COPB1: variants seen among roughly 807,000 people sequenced by gnomAD.
COPB1 encodes the protein coat protein complex I subunit beta 1.
In COPB1, 21 loss-of-function variants were observed where a neutral mutation model predicts 108.7. The observed-to-expected ratio is 0.19, with a 90% CI of 0.14 to 0.28. COPB1 has a LOEUF of 0.28. Ranked by LOEUF, COPB1 falls within the 10% of genes least tolerant of loss-of-function variation. COPB1 has a pLI of 1.00. For missense variants in COPB1, 919 were observed against 1,141.3 expected (o/e 0.81, Z 2.81); for synonymous variants, 378 against 386.8 (o/e 0.98, Z 0.27).
At chr11:14,494,618 C>A (rs1417608676) in intron 2 of COPB1, 179 bp from the exon 3 acceptor site, 1 of 535,206 alleles carries the variant, frequency 1.9e-6, no homozygotes, top group Admixed American at 3.4e-5. Flanking sequence ...AATAATCTGT[C>A]TTTGCTCAAG....
intron 4 of COPB1, among the ~76,000 whole-genome samples, chr11:14,492,327 A>G (rs1280125146): frequency 2.0e-5 from 3 of 151,340 alleles, no homozygotes; most frequent in Non-Finnish European, 2.9e-5. Flanking sequence ...ACCCTACATT[A>G]TTATTATTAT....
rs1850282876 is a variant in COPB1 at position 14,466,429 on chromosome 11, G to T, written c.2146-3C>A. 6.2e-7 allele frequency: 1 copy of T among 1,608,128 alleles called. No individual in the cohort carries two copies. The highest frequency in any genetic ancestry group is 1.3e-5 in the African/African-American group (1 of 74,786). On this transcript the variant is annotated splice_region_variant and splice_polypyrimidine_tract_variant and intron_variant, in intron 16 of 21. Transcript: ENST00000439561. ...GAGAAACCTGTCAATTGGGTGACCT[G>T]TCAAAACAAAAACAAAGACATAATC...
intron 11 of COPB1, 119 bp from the exon 12 acceptor site, chr11:14,477,134 A>G: frequency 7.1e-6 from 5 of 709,050 alleles, no homozygotes; most frequent in Non-Finnish European, 1.2e-5. Context: ...CTGTAATCCC[A>G]GCACTTTGGG....
At position 14,460,276 on chromosome 11, in the gene COPB1, C is replaced by A; in HGVS notation, c.2578G>T (p.Val860Phe). ...TGCTGTAAGTAGTCATTTAAATCAA[C>A]CATGTTGGTGTTAACTGTCACCTGT... ...ENKVTVNTNM[V>F]DLNDYLQHIL... Residue 860 changes from valine (V) to phenylalanine (F), a missense_variant, in exon 20 of 22, where the codon GTT becomes TTT. Physicochemically the swap from Val to Phe is conservative, Grantham distance 50. Coordinates refer to ENST00000439561, the MANE Select transcript of COPB1 (RefSeq NM_001144061.2). The A allele has an allele frequency of 6.2e-7, 1 of 1,609,426 alleles. No individual in the cohort carries two copies. Among genetic ancestry groups the A allele is most frequent in the Non-Finnish European group, 8.5e-7 (1 of 1,177,292 alleles).
chr11:14,487,717 A>G (rs1850807472), intron 6 of COPB1, among the ~76,000 whole-genome samples: 1 of 151,992 alleles, frequency 6.6e-6, no homozygotes, highest in African/African-American at 2.4e-5. Context: ...AAAAAACTGT[A>G]CAGTAAGTCT....
chr11:14,460,176 T>A (rs1156696344), intron 20 of COPB1, 32 bp downstream of exon 20: 1 of 1,396,892 alleles, frequency 7.2e-7, no homozygotes, highest in African/African-American at 1.4e-5. Flanking sequence ...TACCATTCCA[T>A]CAGATTTCTG....
In COPB1 at chr11:14,471,782, C is replaced by A. The variant is rs956851323; in HGVS notation, c.1738-2219G>T. ...AAAAATACAAAAAAAATTAGACAGGCGTGGTGGCAGGCGCCTGTAGCCCCA... is the reference window on the plus strand; with the variant it reads ...AAAAATACAAAAAAAATTAGACAGGAGTGGTGGCAGGCGCCTGTAGCCCCA... On this transcript the variant is annotated intron_variant, in intron 14 of 21. Coordinates refer to ENST00000439561, the MANE Select transcript of COPB1 (RefSeq NM_001144061.2). 2.0e-5 allele frequency among the ~76,000 whole-genome samples: 3 copies of A among 152,066 alleles called. 1 individual carries two copies. The highest frequency in any genetic ancestry group is 3.9e-4 in the East Asian group (2 of 5,166).
intron 17 of COPB1, among the ~76,000 whole-genome samples, chr11:14,465,331 G>T (rs1850262433): frequency 6.6e-6 from 1 of 151,996 alleles, no homozygotes; most frequent in Non-Finnish European, 1.5e-5. Flanking sequence ...GATACTTTGA[G>T]CCTACCATTT....
rs1446355105 is a variant in COPB1 at position 14,486,225 on chromosome 11, T to C, written c.837+142A>G. On this transcript the variant is annotated intron_variant, in intron 7 of 21. Coordinates refer to ENST00000439561, the MANE Select transcript of COPB1 (RefSeq NM_001144061.2). The stretch of plus-strand genomic sequence containing the variant: ...AGAAAAGAAGGAAGGCTGAACAATG[T>C]AAGGCATCAAATAATTTTATAAGTT... 5 of 939,196 alleles carry C rather than the reference T, an allele frequency of 5.3e-6. No homozygotes were observed. The African/African-American group carries it at 6.6e-5, about 12-fold the overall frequency. 58.2% of individuals were successfully genotyped at this position (939,196 alleles called of 1,614,324 possible).
rs1850513367 is a variant in COPB1, at chr11:14,476,031, A to C, written c.1456-86T>G. 15 of 1,243,988 alleles carry C rather than the reference A, an allele frequency of 1.2e-5. No homozygotes were observed. The South Asian group carries it at 2.2e-4, about 18-fold the overall frequency. The allele number at this position is 1,243,988 out of a possible 1,614,324, so 77.1% of individuals were successfully genotyped here. A position where few individuals can be genotyped will look rare whatever the true frequency, so the allele number is the denominator to read the frequency against. On this transcript the variant is annotated intron_variant, in intron 12 of 21. Transcript: ENST00000439561. ...TAAATATTTGATTGTTTCTCTAAAA[A>C]AGGCATTACCCTAATGGGATTTTTG...
rs1035488723 is a variant in COPB1, at chr11:14,476,807, A to AAC, written c.1455+110_1455+111dup. 4.8e-5 allele frequency: 32 copies of AAC among 672,072 alleles called. No homozygotes were observed. The African/African-American group carries it at 6.0e-4, about 13-fold the overall frequency. 41.6% of individuals were successfully genotyped at this position (672,072 alleles called of 1,614,324 possible). ...TAATAAACACAGAACATTTTGTTCA[A>AAC]ACAAAATCTAACTCAGAAGTGTAAA... On this transcript the variant is annotated intron_variant, in intron 12 of 21. Coordinates refer to ENST00000439561, the MANE Select transcript of COPB1 (RefSeq NM_001144061.2).
intron 6 of COPB1, among the ~76,000 whole-genome samples, 164 bp from the exon 7 acceptor site, chr11:14,486,668 T>C (rs1245342169): frequency 6.6e-6 from 1 of 152,116 alleles, no homozygotes; most frequent in Admixed American, 6.6e-5. Context: ...GATGAGACAC[T>C]ATGACACAAC....
At chr11:14,499,604 C>T (rs1211014651) in intron 1 of COPB1, 103 bp downstream of exon 1, 1 of 150,554 alleles carries the variant, frequency 6.6e-6, no homozygotes, top group African/African-American at 2.4e-5. Context: ...CACCCGTACC[C>T]CCACCCGGTC....
At chr11:14,487,720 G>C (rs1039244766) in intron 6 of COPB1, among the ~76,000 whole-genome samples, 4 of 151,728 alleles carry the variant, frequency 2.6e-5, no homozygotes, top group Non-Finnish European at 4.4e-5. Flanking sequence ...AAACTGTACA[G>C]TAAGTCTTGG....
intron 6 of COPB1, among the ~76,000 whole-genome samples, chr11:14,487,414 C>T (rs559393965): frequency 1.3e-5 from 2 of 152,256 alleles, no homozygotes; most frequent in African/African-American, 4.8e-5. Context: ...TGGTGGCTCA[C>T]GCCTGTAATC....
At chr11:14,499,117 T>C (rs1350025688) in intron 1 of COPB1, 132 bp from the exon 2 acceptor site, 6 of 522,016 alleles carry the variant, frequency 1.1e-5, no homozygotes, top group Non-Finnish European at 2.0e-5. Flanking sequence ...AAATAAATTC[T>C]AGTAAAAACC....
intron 18 of COPB1, among the ~76,000 whole-genome samples, chr11:14,463,240 T>G (rs1047804098): frequency 6.6e-6 from 1 of 152,242 alleles, no homozygotes; most frequent in African/African-American, 2.4e-5. Flanking sequence ...TCCCCTCTTT[T>G]TAGTCTGTAT....
chr11:14,498,270 T>C (rs1281746871), intron 2 of COPB1, among the ~76,000 whole-genome samples: 2 of 152,248 alleles, frequency 1.3e-5, no homozygotes, highest in African/African-American at 4.8e-5. Context: ...AAGCATTTCA[T>C]GTACCCCATA....
rs1050871939 is a variant in COPB1, at chr11:14,457,642, A to G, written c.*182T>C. On this transcript the variant is annotated 3_prime_UTR_variant, in exon 22 of 22. Coordinates refer to ENST00000439561, the MANE Select transcript of COPB1 (RefSeq NM_001144061.2). ...GGACAGCATTCAGAACTGTTAAGAC[A>G]AAAGACAAACTATAATTTTAAACTC... 1 of 553,362 alleles carries G rather than the reference A, an allele frequency of 1.8e-6. No homozygotes were observed. The highest frequency in any genetic ancestry group is 3.3e-5 in the East Asian group (1 of 30,586). 34.3% of individuals were successfully genotyped at this position (553,362 alleles called of 1,614,324 possible). A position where few individuals can be genotyped will look rare whatever the true frequency, so the allele number is the denominator to read the frequency against.
Sources: gnomAD v4.1 joint callset for allele counts (sites outside exome capture counted in the v4.1 genomes callset) on GRCh38, gnomAD v4.1.1 for gene constraint, MANE v1.5 for transcripts, NCBI Gene and HGNC (gene_info 2026-07-23, HGNC 2026-07-21) for gene names.